PVT1: variants seen among roughly 807,000 people sequenced by gnomAD.
The protein encoded by PVT1 is CXCR4/PVT1 fusion.
intron 2 of PVT1, among the ~76,000 whole-genome samples, chr8:127,856,788 T>C (rs910248886): frequency 2.0e-5 from 3 of 152,246 alleles, no homozygotes; most frequent in African/African-American, 4.8e-5. Flanking sequence ...TCACAGTAAC[T>C]GGTCCTGGCT....
At chr8:128,055,939 A>C (rs555360154) in intron 4 of PVT1, among the ~76,000 whole-genome samples, 1 of 152,172 alleles carries the variant, frequency 6.6e-6, no homozygotes, top group Non-Finnish European at 1.5e-5. Flanking sequence ...ACCAACTCCA[A>C]CTCTTGATGG....
chr8:127,794,861 G>T (rs565088772), intron 1 of PVT1: 1 of 152,678 alleles, frequency 6.5e-6, no homozygotes, highest in Non-Finnish European at 1.5e-5. Flanking sequence ...TGCTAGGCGT[G>T]CACTGTCCTC....
At chr8:128,001,232 C>A (rs1817173449) in intron 4 of PVT1, among the ~76,000 whole-genome samples, 2 of 152,182 alleles carry the variant, frequency 1.3e-5, no homozygotes, top group Admixed American at 6.5e-5. Flanking sequence ...GAGGGGCTCG[C>A]CAGCAGCACT....
At chr8:127,825,331 C>A (rs1292348058) in intron 2 of PVT1, among the ~76,000 whole-genome samples, 1 of 152,114 alleles carries the variant, frequency 6.6e-6, no homozygotes. Flanking sequence ...TTTGGTTACA[C>A]CAAGTTACAG....
At chr8:128,069,209 A>C (rs752498456) in intron 4 of PVT1, among the ~76,000 whole-genome samples, 8 of 152,218 alleles carry the variant, frequency 5.3e-5, no homozygotes, top group Middle Eastern at 3.2e-3. Context: ...TGTTCATTGG[A>C]AAAATGAAGG....
At chr8:127,954,999 CTA>C (rs1816552549) in intron 3 of PVT1, among the ~76,000 whole-genome samples, 2 of 152,204 alleles carry the variant, frequency 1.3e-5, no homozygotes, top group Admixed American at 6.5e-5. Context: ...GCATATCATA[CTA>C]TGTGTTATGG....
At chr8:127,820,799 TC>T (rs1814719484) in intron 2 of PVT1, among the ~76,000 whole-genome samples, 1 of 152,048 alleles carries the variant, frequency 6.6e-6, no homozygotes, top group Non-Finnish European at 1.5e-5. Context: ...AACCTCTGCC[TC>T]CCAGGTTCAA....
At chr8:127,801,951 T>C (rs544588429) in intron 2 of PVT1, among the ~76,000 whole-genome samples, 1 of 152,142 alleles carries the variant, frequency 6.6e-6, no homozygotes, top group Admixed American at 6.5e-5. Flanking sequence ...GAGTCTCACC[T>C]GTTGCCCAGC....
At chr8:127,936,935 A>G (rs1018223022) in intron 3 of PVT1, among the ~76,000 whole-genome samples, 17 of 152,256 alleles carry the variant, frequency 1.1e-4, no homozygotes, top group African/African-American at 4.1e-4. Flanking sequence ...CGGCTGAAGC[A>G]TAACTGTGTA....
intron 4 of PVT1, among the ~76,000 whole-genome samples, chr8:128,003,153 C>A (rs1368731546): frequency 1.7e-5 from 2 of 119,980 alleles, no homozygotes; most frequent in Non-Finnish European, 3.6e-5. Flanking sequence ...AGGCACCTAC[C>A]ACCACACCTT....
chr8:127,966,512 G>A lies in PVT1; in HGVS notation n.783-22650G>A, dbSNP rs867778377. Among the ~76,000 whole-genome samples, 9 of 152,286 alleles carry A rather than the reference G, an allele frequency of 5.9e-5. No homozygotes were observed. In the Middle Eastern group the frequency reaches 0.017, roughly 288 times the overall value. On this transcript the variant is annotated intron_variant and non_coding_transcript_variant, in intron 3 of 10. Transcript: ENST00000651587. ...GGACATAACTGGGGCACAAGATGGG[G>A]GATGGAGCTTGCCCCTCTTCTCAGC...
chr8:127,974,141 A>C (rs1183862230), intron 3 of PVT1, among the ~76,000 whole-genome samples: 45 of 152,132 alleles, frequency 3.0e-4, no homozygotes, highest in Admixed American at 2.9e-3. Flanking sequence ...GAGGAAGAAG[A>C]CTGAATCTTA....
In PVT1 at chr8:127,839,653, G is replaced by C. The variant is rs542722260; in HGVS notation, n.372+43582G>C. ...GAAGCCAGATAATAAGGCAGGCAGA[G>C]GGCATACGAAACACCCAGATGGGTC... On this transcript the variant is annotated intron_variant and non_coding_transcript_variant, in intron 2 of 10. Transcript: ENST00000651587. 1.6e-4 allele frequency among the ~76,000 whole-genome samples: 25 copies of C among 152,048 alleles called. No homozygotes were observed. In the South Asian group the frequency reaches 5.2e-3, roughly 32 times the overall value.
At chr8:127,964,379 C>T (rs140395561) in intron 3 of PVT1, among the ~76,000 whole-genome samples, 1 of 152,220 alleles carries the variant, frequency 6.6e-6, no homozygotes, top group Admixed American at 6.5e-5. Context: ...ACCGAAGCCA[C>T]CAGTGGGAGC....
chr8:127,941,539 A>G (rs75843901), intron 3 of PVT1, among the ~76,000 whole-genome samples: 3,934 of 152,350 alleles, frequency 0.026, 70 homozygotes, highest in African/African-American at 0.045. Context: ...TTGTTGACCT[A>G]TAAAAGGTCA....
chr8:127,811,605 C>T (rs1476870438), intron 2 of PVT1, among the ~76,000 whole-genome samples: 3 of 152,232 alleles, frequency 2.0e-5, no homozygotes, highest in Non-Finnish European at 4.4e-5. Context: ...TGAATTGCTT[C>T]AGTTCCTTAC....
chr8:127,939,357 G>A (rs748042685), intron 3 of PVT1, among the ~76,000 whole-genome samples: 43 of 152,216 alleles, frequency 2.8e-4, no homozygotes, highest in Non-Finnish European at 2.5e-4. Context: ...GGTATGGTCC[G>A]GCAGGTGGAG....
At chr8:127,918,943 T>G (rs758959173) in intron 3 of PVT1, among the ~76,000 whole-genome samples, 1 of 152,186 alleles carries the variant, frequency 6.6e-6, no homozygotes, top group Non-Finnish European at 1.5e-5. Flanking sequence ...TGCAGAATTC[T>G]AATGTTCTTC....
In PVT1 at chr8:127,914,598, C is replaced by A. The variant is rs117833098; in HGVS notation, n.782+23600C>A. ...CGGAAGAATAGCAAACAGTATTCAA[C>A]TGTAAAATGGAATGAGACATTGATA... On this transcript the variant is annotated intron_variant and non_coding_transcript_variant, in intron 3 of 10. Transcript: ENST00000651587. 3.4e-3 allele frequency among the ~76,000 whole-genome samples: 525 copies of A among 152,202 alleles called. 3 individuals carry two copies. Among genetic ancestry groups the A allele is most frequent in the Non-Finnish European group, 5.1e-3 (345 of 68,004 alleles).
Sources: allele counts gnomAD v4.1 joint callset (sites outside exome capture counted in the v4.1 genomes callset), GRCh38; gene constraint gnomAD v4.1.1; transcripts MANE v1.5; gene names NCBI Gene and HGNC (gene_info 2026-07-23, HGNC 2026-07-21).